The following ROBO2 variants were observed in gnomAD, a reference collection of about 807,000 sequenced individuals.
ROBO2 encodes roundabout homolog 2.
A neutral mutation model predicts 160.8 loss-of-function variants in ROBO2; 53 were observed. The ratio of observed to expected loss-of-function variants is 0.33; its 90% CI spans 0.26 to 0.41. The LOEUF is 0.41. Among genes scored for constraint, ROBO2 ranks in the 10% least tolerant of loss-of-function variants. ROBO2 has a pLI of 1.00. For synonymous variants in ROBO2, 664 were observed against 611.7 expected (o/e 1.09, Z -1.26); for missense variants, 1,577 against 1,722.4 (o/e 0.92, Z 1.49).
chr3:77,452,872 A>G (rs1392174639), intron 2 of ROBO2, among the ~76,000 whole-genome samples: 1 of 152,170 alleles, frequency 6.6e-6, no homozygotes. Context: ...ATACAAGCCA[A>G]TGTGAATTGA....
chr3:77,260,428 A>G (rs927088814), intron 2 of ROBO2, among the ~76,000 whole-genome samples: 1 of 152,106 alleles, frequency 6.6e-6, no homozygotes, highest in Non-Finnish European at 1.5e-5. Flanking sequence ...TTTAGCAATC[A>G]ATGAGTTGAG....
chr3:77,469,095 A>G (rs1475884477), intron 2 of ROBO2, among the ~76,000 whole-genome samples: 1 of 152,214 alleles, frequency 6.6e-6, no homozygotes, highest in East Asian at 1.9e-4. Flanking sequence ...GACAATCTTT[A>G]TCAGTTGTTT....
At chr3:76,686,007 G>A (rs1177033854) in intron 2 of ROBO2, among the ~76,000 whole-genome samples, 4 of 152,034 alleles carry the variant, frequency 2.6e-5, no homozygotes, top group South Asian at 2.1e-4. Context: ...CTAGAGCGAC[G>A]GTGAATCACC....
At chr3:76,920,506 C>A (rs1297163778) in intron 2 of ROBO2, among the ~76,000 whole-genome samples, 1 of 152,138 alleles carries the variant, frequency 6.6e-6, no homozygotes, top group Non-Finnish European at 1.5e-5. Flanking sequence ...TTTTTGGTTT[C>A]TTCTATGAAG....
At chr3:76,480,655 T>C (rs771526173) in intron 2 of ROBO2, among the ~76,000 whole-genome samples, 1 of 152,094 alleles carries the variant, frequency 6.6e-6, no homozygotes, top group Non-Finnish European at 1.5e-5. Context: ...CTTCCCACAG[T>C]AGAAGAGGTG....
intron 2 of ROBO2, among the ~76,000 whole-genome samples, chr3:76,538,099 C>T (rs1368433916): frequency 6.6e-6 from 1 of 151,384 alleles, no homozygotes; most frequent in African/African-American, 2.4e-5. Context: ...CATATGTGTG[C>T]AGGTCACAGG....
At chr3:76,661,364 A>C in intron 2 of ROBO2, among the ~76,000 whole-genome samples, 1 of 152,196 alleles carries the variant, frequency 6.6e-6, no homozygotes, top group East Asian at 1.9e-4. Context: ...TAAACCAAAA[A>C]GTATCTGAGA....
rs548046141 is a variant in ROBO2 at position 77,359,896 on chromosome 3, G to A, written c.389-117518G>A. 8.5e-4 allele frequency among the ~76,000 whole-genome samples: 129 copies of A among 152,226 alleles called. 2 individuals are homozygous for A. Among genetic ancestry groups the A allele is most frequent in the African/African-American group, 3.0e-3 (126 of 41,556 alleles). On this transcript the variant is annotated intron_variant, in intron 2 of 25. Coordinates refer to ENST00000461745, the Ensembl canonical transcript of ROBO2. ...AGACTGGGTTTGACTCTCTTGCCCA[G>A]AGTGATGTTGAACTCCTGGGCTCAA...
At chr3:76,549,009 A>T (rs968639432) in intron 2 of ROBO2, among the ~76,000 whole-genome samples, 1 of 152,148 alleles carries the variant, frequency 6.6e-6, no homozygotes, top group Non-Finnish European at 1.5e-5. Context: ...ATTATTGTAG[A>T]GATAGAGTAT....
At chr3:75,913,771 A>G (rs1946697110) in intron 1 of ROBO2, among the ~76,000 whole-genome samples, 1 of 152,224 alleles carries the variant, frequency 6.6e-6, no homozygotes, top group African/African-American at 2.4e-5. Context: ...TCTCATCCAT[A>G]TAAGAAAGCA....
intron 2 of ROBO2, among the ~76,000 whole-genome samples, chr3:76,144,782 A>C (rs1434581898): frequency 6.6e-5 from 10 of 152,100 alleles, no homozygotes; most frequent in African/African-American, 2.4e-4. Context: ...GGGCTTTCCT[A>C]AAATTAGACA....
At chr3:76,445,663 C>T (rs1333124726) in intron 2 of ROBO2, among the ~76,000 whole-genome samples, 1 of 152,048 alleles carries the variant, frequency 6.6e-6, no homozygotes, top group Non-Finnish European at 1.5e-5. Context: ...AAACCGAGTC[C>T]AGCAACTCAT....
chr3:77,121,002 T>C (rs558155093), intron 2 of ROBO2, among the ~76,000 whole-genome samples: 4 of 152,126 alleles, frequency 2.6e-5, no homozygotes, highest in Admixed American at 6.6e-5. Context: ...TGGAGTACTG[T>C]GGCGCGATCT....
intron 2 of ROBO2, among the ~76,000 whole-genome samples, chr3:77,473,646 C>T (rs1357156660): frequency 6.6e-6 from 1 of 151,540 alleles, no homozygotes; most frequent in African/African-American, 2.4e-5. Flanking sequence ...TTAGTACAGA[C>T]GGGGTTTCAC....
At chr3:77,208,697 A>G (rs554165722) in intron 2 of ROBO2, among the ~76,000 whole-genome samples, 19 of 152,340 alleles carry the variant, frequency 1.2e-4, no homozygotes, top group African/African-American at 4.6e-4. Flanking sequence ...GCCTTATGAT[A>G]CAATTACTGG....
chr3:76,928,484 A>G (rs1228990664), intron 2 of ROBO2, among the ~76,000 whole-genome samples: 1 of 150,284 alleles, frequency 6.7e-6, no homozygotes, highest in Non-Finnish European at 1.5e-5. Flanking sequence ...AAGTAAAACT[A>G]GAACACTCAA....
At chr3:76,303,257 T>A (rs147749648) in intron 2 of ROBO2, among the ~76,000 whole-genome samples, 1 of 152,280 alleles carries the variant, frequency 6.6e-6, no homozygotes, top group East Asian at 1.9e-4. Context: ...GCAACTTAGG[T>A]TAACTATGTG....
At chr3:76,141,979 T>C (rs1370551160) in intron 2 of ROBO2, among the ~76,000 whole-genome samples, 1 of 151,962 alleles carries the variant, frequency 6.6e-6, no homozygotes, top group East Asian at 1.9e-4. Flanking sequence ...GTCAACAGTT[T>C]TAAGCAGTAA....
intron 2 of ROBO2, among the ~76,000 whole-genome samples, chr3:76,974,719 G>C (rs2059729325): frequency 6.6e-6 from 1 of 152,122 alleles, no homozygotes; most frequent in Non-Finnish European, 1.5e-5. Flanking sequence ...TGCTCGAAAT[G>C]TGCCTCTTTA....
Sources: allele counts gnomAD v4.1 joint callset (sites outside exome capture counted in the v4.1 genomes callset), GRCh38; gene constraint gnomAD v4.1.1; transcripts MANE v1.5; gene names NCBI Gene and HGNC (gene_info 2026-07-23, HGNC 2026-07-21).